Variants in RXFP2 observed in about 807,000 individuals in gnomAD.
RXFP2 encodes the protein relaxin family peptide receptor 2, also known as relaxin receptor 2.
In RXFP2, 68 loss-of-function variants were observed where a neutral mutation model predicts 88.6. The observed-to-expected ratio is 0.77, with a 90% CI of 0.63 to 0.94. The LOEUF (loss-of-function observed/expected upper bound fraction) is 0.94. Among genes scored for constraint, RXFP2 ranks in the 40% least tolerant of loss-of-function variants. RXFP2 has a pLI of 0.00. For synonymous variants in RXFP2, 329 were observed against 306.8 expected (o/e 1.07, Z -0.76); for missense variants, 791 against 893.9 (o/e 0.88, Z 1.47).
chr13:31,780,609 A>G (rs922029362), intron 9 of RXFP2, among the ~76,000 whole-genome samples: 8 of 152,198 alleles, frequency 5.3e-5, no homozygotes, highest in Non-Finnish European at 7.4e-5. Context: ...AAAAATAGCT[A>G]TTGCCATATT....
At chr13:31,763,307 A>T (rs1872390368) in intron 3 of RXFP2, among the ~76,000 whole-genome samples, 1 of 151,948 alleles carries the variant, frequency 6.6e-6, no homozygotes, top group Admixed American at 6.6e-5. Context: ...CTGGTCTCAA[A>T]CTGCTGGGCT....
rs1874412048 is a variant in RXFP2, at chr13:31,802,636, A to G, written c.*231A>G. ...CTCACCCCACATGCCTGAAAAGCACATGTGAATTCGTGTATAGTGGGCTGA... is the reference window on the plus strand; with the variant it reads ...CTCACCCCACATGCCTGAAAAGCACGTGTGAATTCGTGTATAGTGGGCTGA... On this transcript the variant is annotated 3_prime_UTR_variant, in exon 18 of 18. Coordinates refer to ENST00000298386, the MANE Select transcript of RXFP2 (RefSeq NM_130806.5). 1 of 540,726 alleles carries G rather than the reference A, an allele frequency of 1.8e-6. No individual in the cohort carries two copies. The highest frequency in any genetic ancestry group is 3.1e-5 in the Admixed American group (1 of 32,058). 33.5% of individuals were successfully genotyped at this position (540,726 alleles called of 1,614,324 possible). A position where few individuals can be genotyped will look rare whatever the true frequency, so the allele number is the denominator to read the frequency against.
intron 1 of RXFP2, among the ~76,000 whole-genome samples, chr13:31,743,994 A>G (rs1871311615): frequency 6.6e-6 from 1 of 151,934 alleles, no homozygotes; most frequent in Non-Finnish European, 1.5e-5. Flanking sequence ...TCCTGTCTCT[A>G]ATCACCTCCT....
At chr13:31,801,553 T>A (rs1204414592) in intron 17 of RXFP2, among the ~76,000 whole-genome samples, 1 of 152,014 alleles carries the variant, frequency 6.6e-6, no homozygotes, top group South Asian at 2.1e-4. Context: ...AAATTTCACC[T>A]CACAAAGAAC....
rs748226629 is a variant in RXFP2, at chr13:31,758,240, G to GC, written c.95-14dup. ...TTGGCCATGGTAACACTTTGTTTTT[G>GC]CCCCTTCTTTCATGTAGATTTTGCA... On this transcript the variant is annotated splice_polypyrimidine_tract_variant and intron_variant, in intron 1 of 17. Coordinates refer to ENST00000298386, the MANE Select transcript of RXFP2 (RefSeq NM_130806.5). 1 of 1,613,828 alleles carries GC rather than the reference G, an allele frequency of 6.2e-7. No homozygotes were observed. Among genetic ancestry groups the GC allele is most frequent in the Non-Finnish European group, 8.5e-7 (1 of 1,179,836 alleles).
Position 31,792,836 on chromosome 13 carries a change from C to G in RXFP2, c.1534C>G (p.Leu512Val). 6.2e-7 allele frequency: 1 copy of G among 1,614,186 alleles called. No homozygotes were observed. The highest frequency in any genetic ancestry group is 8.5e-7 in the Non-Finnish European group (1 of 1,180,034). Residue 512 changes from leucine (L) to valine (V), a missense_variant, in exon 16 of 18, where the codon CTA (leucine) becomes GTA (valine). Physicochemically the swap from Leu to Val is conservative, Grantham distance 32. Transcript: ENST00000298386. ...GCTGTCCACCGAAGTCTCTGTTCTG[C>G]TACTGACCTACTTGACTTTGGAGAA... ...AMLSTEVSVL[L>V]LTYLTLEKFL...
At chr13:31,777,712 T>A (rs894957052) in intron 8 of RXFP2, among the ~76,000 whole-genome samples, 2 of 152,202 alleles carry the variant, frequency 1.3e-5, no homozygotes, top group Non-Finnish European at 2.9e-5. Context: ...TACTAAGGCA[T>A]GTTTTTATTT....
intron 1 of RXFP2, among the ~76,000 whole-genome samples, chr13:31,744,202 G>GT (rs1311155110): frequency 1.3e-5 from 2 of 152,188 alleles, no homozygotes; most frequent in Non-Finnish European, 2.9e-5. Flanking sequence ...TTCAATACTG[G>GT]TGTGCTCTCT....
intron 17 of RXFP2, among the ~76,000 whole-genome samples, chr13:31,797,678 C>CT (rs1566238902): frequency 6.6e-6 from 1 of 152,164 alleles, no homozygotes; most frequent in Non-Finnish European, 1.5e-5. Context: ...ATTGGTTCTT[C>CT]ACTAGGAGTA....
chr13:31,784,342 T>G (rs929766452), intron 11 of RXFP2, among the ~76,000 whole-genome samples: 7 of 152,176 alleles, frequency 4.6e-5, no homozygotes, highest in African/African-American at 1.7e-4. Flanking sequence ...GCTGGTAGGC[T>G]TAACTAGAAC....
chr13:31,788,551 C>T (rs928649326), intron 13 of RXFP2, among the ~76,000 whole-genome samples: 1 of 151,970 alleles, frequency 6.6e-6, no homozygotes, highest in African/African-American at 2.4e-5. Flanking sequence ...TTTATGGGGC[C>T]TGAAGGATTT....
At chr13:31,786,772 T>C (rs1002498723) in intron 13 of RXFP2, 135 bp downstream of exon 13, 4 of 611,136 alleles carry the variant, frequency 6.5e-6, no homozygotes, top group Non-Finnish European at 1.2e-5. Context: ...TCCCATCAAG[T>C]ACATACTGAA....
At chr13:31,761,618 ATTAC>A in intron 2 of RXFP2, 102 bp from the exon 3 acceptor site, 1 of 737,846 alleles carries the variant, frequency 1.4e-6, no homozygotes, top group East Asian at 2.8e-5. Context: ...CAATAATTCT[ATTAC>A]TTAAACATAT....
At chr13:31,739,742 A>G in intron 1 of RXFP2, 36 bp downstream of exon 1, 1 of 1,278,988 alleles carries the variant, frequency 7.8e-7, no homozygotes, top group South Asian at 1.2e-5. Flanking sequence ...AATGAGTGCA[A>G]TTCCCAAAAA....
chr13:31,750,230 G>A (rs941396611), intron 1 of RXFP2, among the ~76,000 whole-genome samples: 12 of 152,034 alleles, frequency 7.9e-5, no homozygotes, highest in East Asian at 1.9e-4. Context: ...TGACTATTGC[G>A]TCAGGAATGA....
At chr13:31,760,631 G>C (rs1019269344) in intron 2 of RXFP2, among the ~76,000 whole-genome samples, 1 of 152,190 alleles carries the variant, frequency 6.6e-6, no homozygotes, top group African/African-American at 2.4e-5. Context: ...ATTAAATAAT[G>C]CAAGTGAGGG....
At chr13:31,777,007 C>A (rs1392751055) in intron 7 of RXFP2, among the ~76,000 whole-genome samples, 3 of 152,164 alleles carry the variant, frequency 2.0e-5, no homozygotes, top group Non-Finnish European at 4.4e-5. Context: ...TTTAATTCAT[C>A]CTTCAGCTCA....
chr13:31,798,456 G>T (rs1274202588), intron 17 of RXFP2, among the ~76,000 whole-genome samples: 3 of 152,328 alleles, frequency 2.0e-5, no homozygotes, highest in Middle Eastern at 3.4e-3. Flanking sequence ...GAAGCCATAA[G>T]AGGGTTTTGT....
chr13:31,780,022 A>T (rs988476649), intron 9 of RXFP2, among the ~76,000 whole-genome samples: 88 of 152,358 alleles, frequency 5.8e-4, no homozygotes, highest in Non-Finnish European at 1.9e-4. Context: ...TGGGAAACAC[A>T]CAGGAAAGAG....
Sources: gnomAD v4.1 joint callset for allele counts (sites outside exome capture counted in the v4.1 genomes callset) on GRCh38, gnomAD v4.1.1 for gene constraint, MANE v1.5 for transcripts, NCBI Gene and HGNC (gene_info 2026-07-23, HGNC 2026-07-21) for gene names.